GLRA2: variants seen among roughly 807,000 people sequenced by gnomAD.
GLRA2 encodes glycine receptor subunit alpha-2.
In GLRA2, 11 loss-of-function variants were observed where a neutral mutation model predicts 31.6. The observed-to-expected ratio is 0.35, with a 90% CI of 0.22 to 0.58. The LOEUF (loss-of-function observed/expected upper bound fraction) is 0.58. GLRA2 is among the 20% of genes least tolerant of loss of function. The probability of loss-of-function intolerance (pLI) is 0.84; values close to 1 mark genes in which losing one functional copy is unlikely to be tolerated. For synonymous variants in GLRA2, 132 were observed against 134.0 expected (o/e 0.99, Z 0.10); for missense variants, 212 against 351.8 (o/e 0.60, Z 3.18).
At chrX:14,507,417 G>A in the GLRA2 span, among the ~76,000 whole-genome samples, 649 of 111,263 alleles carry the variant, frequency 5.8e-3, 9 homozygotes, top group African/African-American at 0.02. Context: ...TGTTTGGCAC[G>A]CTATCTGCCC....
At chrX:14,657,702 T>C (rs909809828) in intron 7 of GLRA2, among the ~76,000 whole-genome samples, 1 of 112,392 alleles carries the variant, frequency 8.9e-6, no homozygotes, top group African/African-American at 3.2e-5. Context: ...GTCCATAGAT[T>C]TGTGTCCCAA....
At chrX:14,572,573 A>G (rs1329613389) in intron 2 of GLRA2, among the ~76,000 whole-genome samples, 1 of 112,454 alleles carries the variant, frequency 8.9e-6, no homozygotes, top group African/African-American at 3.2e-5. Flanking sequence ...TTGAGTAATC[A>G]AAAAAGAAAA....
At chrX:14,675,243 T>C (rs775436824) in intron 7 of GLRA2, among the ~76,000 whole-genome samples, 10 of 111,540 alleles carry the variant, frequency 9.0e-5, no homozygotes, top group African/African-American at 2.9e-4. Context: ...CCTCTAACAA[T>C]GGATATCACC....
chrX:14,609,061 C>T lies in GLRA2; in HGVS notation c.786C>T (p.Tyr262=), dbSNP rs1360900142. 1.7e-6 allele frequency: 2 copies of T among 1,178,978 alleles called. 1 individual carries two copies. Among genetic ancestry groups the T allele is most frequent in the Admixed American group, 4.4e-5 (2 of 45,834 alleles). The change falls in exon 7 of 9, where the codon TAC becomes TAT. Residue 262 remains tyrosine, a synonymous_variant. Coordinates refer to ENST00000218075, the MANE Select transcript of GLRA2 (RefSeq NM_002063.4). ...TGGGATATTATTTGATCCAGATGTA[C>T]ATCCCAAGCCTGCTTATAGTAATTT... ...RQMGYYLIQM[Y]IPSLLIVILS...
intron 7 of GLRA2, among the ~76,000 whole-genome samples, chrX:14,681,487 A>G (rs1244273807): frequency 9.0e-6 from 1 of 111,300 alleles, no homozygotes; most frequent in Non-Finnish European, 1.9e-5. Context: ...CCTATGCACT[A>G]TTTGCTAGGT....
chrX:14,691,298 TGTGTGTGTGTGTGTGTGTGTGTGTGTGC>T (rs1382510301), intron 8 of GLRA2, among the ~76,000 whole-genome samples: 6 of 104,906 alleles, frequency 5.7e-5, no homozygotes, highest in African/African-American at 2.2e-4. Context: ...TGTGTGTGTG[TGTGTGTGTGTGTGTGTGTGTGTGTGTGC>T]GCGCGTGCGT....
At chrX:14,525,207 C>T (rs1288648745), upstream of GLRA2, among the ~76,000 whole-genome samples, 1 of 111,381 alleles carries the variant, frequency 9.0e-6, no homozygotes, top group Non-Finnish European at 1.9e-5. Flanking sequence ...GTCCTTATGA[C>T]ATAGGATGGG....
At chrX:14,707,410 C>T (rs1342482424) in intron 8 of GLRA2, among the ~76,000 whole-genome samples, 1 of 111,424 alleles carries the variant, frequency 9.0e-6, no homozygotes, top group Admixed American at 9.5e-5. Flanking sequence ...AAGAACAGTG[C>T]CTTGCATACA....
At chrX:14,706,196 GCAGCAT>G (rs749229480) in intron 8 of GLRA2, among the ~76,000 whole-genome samples, 2 of 111,756 alleles carry the variant, frequency 1.8e-5, no homozygotes, top group Admixed American at 1.9e-4. Flanking sequence ...CTGTTGACCA[GCAGCAT>G]CAGCATCACC....
At chrX:14,539,370 C>A (rs1026950979) in intron 2 of GLRA2, among the ~76,000 whole-genome samples, 1 of 111,323 alleles carries the variant, frequency 9.0e-6, no homozygotes. Context: ...TTGTATGAAG[C>A]GTTTGCTCAT....
intron 7 of GLRA2, among the ~76,000 whole-genome samples, chrX:14,683,363 C>A (rs745799957): frequency 1.8e-5 from 2 of 111,859 alleles, no homozygotes; most frequent in South Asian, 7.5e-4. Context: ...TGAGAAGTGT[C>A]TGTTCATGTC....
chrX:14,555,024 T>C (rs1331517009), intron 2 of GLRA2, among the ~76,000 whole-genome samples: 3 of 112,406 alleles, frequency 2.7e-5, no homozygotes, highest in Non-Finnish European at 5.6e-5. Context: ...GATCGTTTGA[T>C]TTAATAATGC....
intron 2 of GLRA2, among the ~76,000 whole-genome samples, chrX:14,541,574 A>G (rs370942045): frequency 8.9e-5 from 10 of 111,825 alleles, no homozygotes; most frequent in East Asian, 5.6e-4. Context: ...ATGACCAACA[A>G]GACAGTCAAG....
At chrX:14,663,409 T>G (rs1406946989) in intron 7 of GLRA2, among the ~76,000 whole-genome samples, 1 of 110,736 alleles carries the variant, frequency 9.0e-6, no homozygotes, top group African/African-American at 3.3e-5. Context: ...CTTGAAAAAG[T>G]AGATGATGCT....
the GLRA2 span, among the ~76,000 whole-genome samples, chrX:14,471,177 C>A: frequency 9.0e-6 from 1 of 111,629 alleles, no homozygotes; most frequent in South Asian, 3.7e-4. Context: ...CACTTAATTA[C>A]TTTTTTTGAT....
At chrX:14,531,774 T>C (rs895041967) in intron 1 of GLRA2, among the ~76,000 whole-genome samples, 24 of 111,284 alleles carry the variant, frequency 2.2e-4, no homozygotes, top group Middle Eastern at 4.7e-3. Flanking sequence ...AGCAATGAAA[T>C]AATAAGTTTG....
chrX:14,614,416 A>C (rs895934576), intron 7 of GLRA2, among the ~76,000 whole-genome samples: 20 of 111,338 alleles, frequency 1.8e-4, no homozygotes, highest in African/African-American at 6.5e-4. Context: ...ATCACCTCCT[A>C]GCAGTATATC....
At chrX:14,551,852 T>C (rs979174072) in intron 2 of GLRA2, among the ~76,000 whole-genome samples, 2 of 111,543 alleles carry the variant, frequency 1.8e-5, no homozygotes, top group East Asian at 5.6e-4. Context: ...CCAACACACA[T>C]GAAGAGCCCA....
the GLRA2 span, among the ~76,000 whole-genome samples, chrX:14,493,155 A>G: frequency 9.0e-6 from 1 of 111,287 alleles, no homozygotes; most frequent in African/African-American, 3.3e-5. Flanking sequence ...TCACATAGAA[A>G]AATGAAAACT....
Sources: gnomAD v4.1 joint callset for allele counts (sites outside exome capture counted in the v4.1 genomes callset) on GRCh38, gnomAD v4.1.1 for gene constraint, MANE v1.5 for transcripts, NCBI Gene and HGNC (gene_info 2026-07-23, HGNC 2026-07-21) for gene names.